Variants in CDH20 observed in about 807,000 individuals in gnomAD.
CDH20 encodes the protein cadherin-20.
CDH20 carries 29 observed loss-of-function variants against 74.2 expected under a neutral mutation model. That is an observed-to-expected ratio of 0.39 (90% CI 0.29 to 0.53). The LOEUF (loss-of-function observed/expected upper bound fraction) is 0.53, where lower values mean the gene tolerates loss of function less well. Ranked by LOEUF, CDH20 falls within the 20% of genes least tolerant of loss-of-function variation. The pLI, the probability that CDH20 is intolerant of heterozygous loss-of-function variation, is 0.69. For missense variants in CDH20, 988 were observed against 1,048.3 expected (o/e 0.94, Z 0.79); for synonymous variants, 469 against 405.4 (o/e 1.16, Z -1.88).
chr18:61,549,061 G>A (rs1263612806), intron 10 of CDH20, among the ~76,000 whole-genome samples: 1 of 152,150 alleles, frequency 6.6e-6, no homozygotes, highest in African/African-American at 2.4e-5. Flanking sequence ...CTTCTTGCAT[G>A]TCCTACTACA....
intron 1 of CDH20, among the ~76,000 whole-genome samples, chr18:61,438,354 G>A (rs917014097): frequency 7.7e-6 from 1 of 130,000 alleles, no homozygotes; most frequent in South Asian, 2.9e-4. Flanking sequence ...AGAGGAGGTG[G>A]AGAAGGGTTC....
At chr18:61,538,578 CTT>C (rs148829012) in intron 8 of CDH20, among the ~76,000 whole-genome samples, 8,892 of 34,538 alleles carry the variant, frequency 0.26, 2,355 homozygotes, top group African/African-American at 0.42. Context: ...TAAATAACTA[CTT>C]TTTGTTTGTT....
At chr18:61,553,953 T>C (rs887190124) in intron 11 of CDH20, among the ~76,000 whole-genome samples, 4 of 152,184 alleles carry the variant, frequency 2.6e-5, no homozygotes, top group African/African-American at 9.7e-5. Flanking sequence ...AGGCAACTTT[T>C]TCTAATTAAA....
intron 1 of CDH20, among the ~76,000 whole-genome samples, chr18:61,450,750 GT>G (rs1421084828): frequency 1.3e-5 from 2 of 151,896 alleles, no homozygotes; most frequent in Non-Finnish European, 2.9e-5. Flanking sequence ...AAGCCTAATG[GT>G]TTTGCTTTTA....
At chr18:61,465,039 A>T (rs1042779577) in intron 1 of CDH20, among the ~76,000 whole-genome samples, 4 of 152,244 alleles carry the variant, frequency 2.6e-5, no homozygotes, top group African/African-American at 9.6e-5. Flanking sequence ...ATCATTTCAA[A>T]ATAAGCCTTG....
intron 8 of CDH20, among the ~76,000 whole-genome samples, chr18:61,537,731 T>A (rs946391964): frequency 6.6e-6 from 1 of 152,186 alleles, no homozygotes; most frequent in Non-Finnish European, 1.5e-5. Flanking sequence ...TTTTCATTAT[T>A]CCTTAGACAA....
chr18:61,487,346 C>A (rs1344699612), intron 1 of CDH20, among the ~76,000 whole-genome samples: 2 of 152,182 alleles, frequency 1.3e-5, no homozygotes, highest in Non-Finnish European at 2.9e-5. Flanking sequence ...TCTGATAGAA[C>A]TGTTTTGTAA....
At chr18:61,402,544 CCT>C (rs1912189779) in intron 1 of CDH20, among the ~76,000 whole-genome samples, 1 of 152,220 alleles carries the variant, frequency 6.6e-6, no homozygotes, top group Admixed American at 6.5e-5. Context: ...TAAACTACTC[CCT>C]GATTGTAAAT....
chr18:61,375,107 G>A (rs1439141841), intron 1 of CDH20, among the ~76,000 whole-genome samples: 2 of 152,048 alleles, frequency 1.3e-5, no homozygotes, highest in Non-Finnish European at 2.9e-5. Flanking sequence ...CATCAGAGAG[G>A]CTAAGGGACA....
chr18:61,348,636 C>T (rs1910210789), intron 1 of CDH20, among the ~76,000 whole-genome samples: 1 of 152,150 alleles, frequency 6.6e-6, no homozygotes, highest in Non-Finnish European at 1.5e-5. Flanking sequence ...TGTCAGTCAG[C>T]CGATTATCCA....
At chr18:61,447,567 G>A (rs1319069238) in intron 1 of CDH20, among the ~76,000 whole-genome samples, 1 of 152,148 alleles carries the variant, frequency 6.6e-6, no homozygotes, top group African/African-American at 2.4e-5. Flanking sequence ...CAGGAGAAAA[G>A]GGAATTGTAA....
intron 1 of CDH20, among the ~76,000 whole-genome samples, chr18:61,477,085 C>T (rs17068349): frequency 6.6e-6 from 1 of 152,014 alleles, no homozygotes; most frequent in African/African-American, 2.4e-5. Flanking sequence ...AAAACAGCCT[C>T]GGAAAATGAG....
At chr18:61,372,495 G>A (rs1009769319) in intron 1 of CDH20, among the ~76,000 whole-genome samples, 2 of 151,996 alleles carry the variant, frequency 1.3e-5, no homozygotes, top group African/African-American at 2.4e-5. Flanking sequence ...TCTCCCTAGG[G>A]AGCAATATCT....
At chr18:61,407,357 C>T (rs893352875) in intron 1 of CDH20, among the ~76,000 whole-genome samples, 1 of 152,104 alleles carries the variant, frequency 6.6e-6, no homozygotes, top group African/African-American at 2.4e-5. Context: ...CATATATTTC[C>T]CAGAGACAGA....
intron 1 of CDH20, among the ~76,000 whole-genome samples, chr18:61,462,176 T>C (rs1000931492): frequency 2.6e-5 from 4 of 152,092 alleles, no homozygotes; most frequent in Non-Finnish European, 5.9e-5. Flanking sequence ...GACAGTAAAT[T>C]TCAAATGTTC....
rs892181855 is a variant in CDH20, at chr18:61,347,381, G to A, written c.-153+13554G>A. Among the ~76,000 whole-genome samples, 38 of 146,878 alleles carry A rather than the reference G, an allele frequency of 2.6e-4. 1 individual carries two copies. The highest frequency in any genetic ancestry group is 1.3e-3 in the Admixed American group (19 of 14,796). Reference sequence around the variant, plus strand: ...ATATATACACAAAAATTAGCCGGGTGTGGTAGCACACACCTGTCATCACAG... The same window carrying A: ...ATATATACACAAAAATTAGCCGGGTATGGTAGCACACACCTGTCATCACAG... On this transcript the variant is annotated intron_variant, in intron 1 of 11. Transcript: ENST00000262717.
chr18:61,448,521 G>C (rs114419543), intron 1 of CDH20, among the ~76,000 whole-genome samples: 4 of 152,182 alleles, frequency 2.6e-5, no homozygotes, highest in African/African-American at 9.6e-5. Context: ...CAGGAAGTGC[G>C]ACTGTGGCAG....
At chr18:61,350,542 G>C (rs951195092) in intron 1 of CDH20, among the ~76,000 whole-genome samples, 1 of 152,134 alleles carries the variant, frequency 6.6e-6, no homozygotes, top group Non-Finnish European at 1.5e-5. Context: ...GAAGAGGAAA[G>C]TGTGCTATCT....
chr18:61,347,311 TATATATATACAC>T (rs1260420215), intron 1 of CDH20, among the ~76,000 whole-genome samples: 37 of 76,026 alleles, frequency 4.9e-4, no homozygotes, highest in South Asian at 7.7e-4. Context: ...TATATATATA[TATATATATACAC>T]ACACACACAC....
Sources: allele counts gnomAD v4.1 joint callset (sites outside exome capture counted in the v4.1 genomes callset), GRCh38; gene constraint gnomAD v4.1.1; transcripts MANE v1.5; gene names NCBI Gene and HGNC (gene_info 2026-07-23, HGNC 2026-07-21).